Variants in DMD observed in about 807,000 individuals in gnomAD.
DMD encodes the protein dystrophin.
Under a neutral mutation model 330.1 loss-of-function variants are expected in DMD, and 63 were observed. The ratio of observed to expected loss-of-function variants is 0.19; its 90% CI spans 0.16 to 0.24. The LOEUF is 0.24. DMD is among the 10% of genes least tolerant of loss of function. The pLI is 1.00. For missense variants in DMD, 3,344 were observed against 2,684.1 expected, an observed-to-expected ratio of 1.25 and a Z score of -5.43; for synonymous variants, 1,223 against 959.8, an observed-to-expected ratio of 1.27 and a Z score of -5.07.
intron 41 of DMD, among the ~76,000 whole-genome samples, chrX:32,334,674 T>C (rs981395017): frequency 9.0e-6 from 1 of 111,617 alleles, no homozygotes; most frequent in Non-Finnish European, 1.9e-5. Flanking sequence ...TCCCATTTTT[T>C]TCTAAAGAAT....
intron 19 of DMD, among the ~76,000 whole-genome samples, chrX:32,499,251 T>C (rs1172018123): frequency 2.7e-5 from 3 of 112,110 alleles, no homozygotes; most frequent in East Asian, 5.5e-4. Context: ...TATACCAGTA[T>C]AGATACATAT....
chrX:32,582,662 T>G (rs2053776736), intron 13 of DMD, among the ~76,000 whole-genome samples: 3 of 111,422 alleles, frequency 2.7e-5, no homozygotes, highest in African/African-American at 9.8e-5. Flanking sequence ...CCAAAAGCAG[T>G]CAAGATAATC....
At chrX:31,479,420 G>C (rs1161834464) in intron 57 of DMD, among the ~76,000 whole-genome samples, 2 of 111,483 alleles carry the variant, frequency 1.8e-5, no homozygotes, top group Non-Finnish European at 3.8e-5. Context: ...AAAGTTTCAA[G>C]GTATATATTG....
chrX:32,569,405 C>T (rs890713752), intron 15 of DMD, among the ~76,000 whole-genome samples: 2 of 111,683 alleles, frequency 1.8e-5, no homozygotes, highest in African/African-American at 3.3e-5. Flanking sequence ...ACCAGTTGTA[C>T]TTTGGGAGGT....
intron 1 of DMD, among the ~76,000 whole-genome samples, chrX:33,318,135 T>G (rs1355643172): frequency 9.0e-6 from 1 of 111,338 alleles, no homozygotes; most frequent in Non-Finnish European, 1.9e-5. Context: ...GTTTGAATCC[T>G]AAAAACTTAT....
intron 13 of DMD, among the ~76,000 whole-genome samples, chrX:32,575,403 G>A (rs1033392490): frequency 1.5e-4 from 17 of 112,057 alleles, no homozygotes; most frequent in African/African-American, 5.5e-4. Context: ...ATTGCTTTCA[G>A]CATAATGTAA....
At chrX:32,760,712 A>T (rs1437143674) in intron 7 of DMD, among the ~76,000 whole-genome samples, 3 of 112,181 alleles carry the variant, frequency 2.7e-5, no homozygotes, top group Non-Finnish European at 5.6e-5. Flanking sequence ...GAAACTGAAT[A>T]CTTCATATAT....
intron 1 of DMD, among the ~76,000 whole-genome samples, chrX:33,276,394 A>C (rs757441571): frequency 1.8e-5 from 2 of 110,846 alleles, no homozygotes; most frequent in African/African-American, 3.3e-5. Flanking sequence ...TTTATATTAC[A>C]ATGGTGAGAA....
chrX:32,662,108 T>C (rs1373889484), intron 9 of DMD, among the ~76,000 whole-genome samples: 1 of 111,658 alleles, frequency 9.0e-6, no homozygotes, highest in African/African-American at 3.2e-5. Flanking sequence ...AAATAGCCTC[T>C]AGTGGAATCA....
At chrX:32,880,335 G>A (rs1352691722) in intron 2 of DMD, among the ~76,000 whole-genome samples, 1 of 105,623 alleles carries the variant, frequency 9.5e-6, no homozygotes, top group Non-Finnish European at 1.9e-5. Flanking sequence ...CTAACTGATT[G>A]TCTGCCTATA....
At chrX:32,585,955 A>G (rs754357624) in intron 13 of DMD, among the ~76,000 whole-genome samples, 25 of 110,189 alleles carry the variant, frequency 2.3e-4, no homozygotes, top group African/African-American at 7.9e-4. Context: ...GTATTACAAC[A>G]GACCGTGTAT....
chrX:31,876,230 A>G (rs750145307), intron 47 of DMD, among the ~76,000 whole-genome samples: 23 of 112,682 alleles, frequency 2.0e-4, no homozygotes, highest in Admixed American at 4.7e-4. Flanking sequence ...ACTATCACAC[A>G]TGGGTGATGA....
At chrX:31,783,624 A>G (rs1202654988) in intron 50 of DMD, among the ~76,000 whole-genome samples, 1 of 111,327 alleles carries the variant, frequency 9.0e-6, no homozygotes, top group African/African-American at 3.3e-5. Flanking sequence ...GCAAGTTGCA[A>G]TGTACTAAGC....
chrX:33,139,868 T>TAAAAAAA (rs3990971), intron 1 of DMD, among the ~76,000 whole-genome samples: 1 of 64,377 alleles, frequency 1.6e-5, no homozygotes, highest in African/African-American at 8.0e-5. Context: ...GCCCCATCGC[T>TAAAAAAA]AAAAAAAAAA....
At chrX:31,634,912 G>A (rs968660597) in intron 54 of DMD, among the ~76,000 whole-genome samples, 2 of 111,540 alleles carry the variant, frequency 1.8e-5, no homozygotes, top group African/African-American at 3.2e-5. Context: ...TGAAATACAC[G>A]TCTCTATACA....
chrX:32,409,349 T>G (rs2098132586), intron 30 of DMD, among the ~76,000 whole-genome samples: 1 of 111,707 alleles, frequency 9.0e-6, no homozygotes, highest in Non-Finnish European at 1.9e-5. Flanking sequence ...GATCTGAAAT[T>G]TCATAATTTA....
intron 44 of DMD, among the ~76,000 whole-genome samples, chrX:32,080,510 G>A (rs2096383793): frequency 8.9e-6 from 1 of 112,302 alleles, no homozygotes; most frequent in Non-Finnish European, 1.9e-5. Context: ...AACAATATAA[G>A]TGCAAGCTTT....
intron 50 of DMD, among the ~76,000 whole-genome samples, chrX:31,818,405 T>C (rs1337005263): frequency 8.9e-6 from 1 of 111,813 alleles, no homozygotes; most frequent in Non-Finnish European, 1.9e-5. Context: ...CTTATAAACA[T>C]TGTTACATTT....
chrX:32,736,948 C>A (rs1473942976), intron 7 of DMD, among the ~76,000 whole-genome samples: 3 of 109,268 alleles, frequency 2.7e-5, no homozygotes, highest in African/African-American at 6.6e-5. Context: ...AAAATTTCAG[C>A]AAACCAAAAT....
Sources: allele counts gnomAD v4.1 joint callset (sites outside exome capture counted in the v4.1 genomes callset), GRCh38; gene constraint gnomAD v4.1.1; transcripts MANE v1.5; gene names NCBI Gene and HGNC (gene_info 2026-07-23, HGNC 2026-07-21).